RNF175: variants seen among roughly 807,000 people sequenced by gnomAD.
RNF175 encodes ring finger protein 175.
RNF175 carries 38 observed loss-of-function variants against 50.0 expected under a neutral mutation model. The observed-to-expected ratio is 0.76, with a 90% CI of 0.59 to 1.00. The LOEUF is 1.00. Among genes scored for constraint, RNF175 ranks in the 50% least tolerant of loss-of-function variants. The probability of loss-of-function intolerance (pLI) is 0.00; values close to 1 mark genes in which losing one functional copy is unlikely to be tolerated. For synonymous variants in RNF175, 155 were observed against 146.1 expected, an observed-to-expected ratio of 1.06 and a Z score of -0.44; for missense variants, 388 against 409.6, an observed-to-expected ratio of 0.95 and a Z score of 0.46.
At chr4:153,748,448 C>G in intron 3 of RNF175, 197 bp downstream of exon 3, 2 of 477,426 alleles carry the variant, frequency 4.2e-6, no homozygotes, top group Non-Finnish European at 7.2e-6. Flanking sequence ...TCACCCCCCA[C>G]AAGTCTTGAC....
At chr4:153,715,934 G>T (rs1737890124) in intron 6 of RNF175, among the ~76,000 whole-genome samples, 1 of 151,602 alleles carries the variant, frequency 6.6e-6, no homozygotes, top group Non-Finnish European at 1.5e-5. Context: ...TGCGGTGGTG[G>T]GTGCCTGTAA....
At chr4:153,735,279 G>T (rs1167134357) in intron 3 of RNF175, among the ~76,000 whole-genome samples, 4 of 150,284 alleles carry the variant, frequency 2.7e-5, no homozygotes, top group African/African-American at 4.9e-5. Flanking sequence ...CCATTTGTTG[G>T]AAAGACTATC....
chr4:153,756,438 ATCCTG>A (rs1460865016), intron 1 of RNF175, among the ~76,000 whole-genome samples: 1 of 151,934 alleles, frequency 6.6e-6, no homozygotes, highest in Non-Finnish European at 1.5e-5. Flanking sequence ...AGTTAATAGC[ATCCTG>A]TCCTATCTAT....
intron 6 of RNF175, among the ~76,000 whole-genome samples, chr4:153,716,980 C>G (rs1024803238): frequency 1.3e-5 from 2 of 152,100 alleles, no homozygotes; most frequent in African/African-American, 2.4e-5. Context: ...GGTATCATAG[C>G]CTAGGCAAAC....
intron 2 of RNF175, among the ~76,000 whole-genome samples, chr4:153,749,966 A>C (rs902098385): frequency 3.3e-5 from 5 of 152,210 alleles, no homozygotes; most frequent in Admixed American, 2.0e-4. Context: ...TAGCAAATTA[A>C]TACAGATTTG....
intron 8 of RNF175, among the ~76,000 whole-genome samples, chr4:153,710,790 T>C (rs573994090): frequency 1.5e-4 from 23 of 152,354 alleles, no homozygotes; most frequent in African/African-American, 5.3e-4. Flanking sequence ...AATGACTATA[T>C]TGGAAAACCA....
chr4:153,751,316 AC>A (rs1740278872), intron 2 of RNF175, 121 bp downstream of exon 2: 1 of 719,552 alleles, frequency 1.4e-6, no homozygotes, highest in African/African-American at 1.8e-5. Context: ...TGTGTATCCT[AC>A]CCCATCTTCT....
chr4:153,738,641 A>G (rs1021965946), intron 3 of RNF175, among the ~76,000 whole-genome samples: 2 of 152,106 alleles, frequency 1.3e-5, no homozygotes, highest in African/African-American at 4.8e-5. Context: ...ATATAATTGC[A>G]TCTTGTTTTT....
chr4:153,718,145 A>G (rs1374482911), intron 6 of RNF175, among the ~76,000 whole-genome samples: 2 of 151,878 alleles, frequency 1.3e-5, no homozygotes, highest in Non-Finnish European at 2.9e-5. Context: ...CACACTCAGC[A>G]ACATGCATTT....
At position 153,751,465 on chromosome 4, in the gene RNF175, G is replaced by T. The variant is rs866962353; in HGVS notation, c.77C>A (p.Thr26Lys). Residue 26 changes from threonine to lysine, a missense_variant, in exon 2 of 9, where the codon ACA becomes AAA. By Grantham distance (78) the Thr-to-Lys change is moderately conservative. Coordinates refer to ENST00000347063, the MANE Select transcript of RNF175 (RefSeq NM_173662.4). ...APPQQEQLSH[T>K]KLSAEDTWNL... ...CCATGTGTCTTCTGCAGAAAGCTTT[G>T]TATGAGAGAGCTGAAAAACATAAAA... The T allele has an allele frequency of 6.4e-7, 1 of 1,557,700 alleles. No homozygotes were observed. The highest frequency in any genetic ancestry group is 1.7e-4 in the Middle Eastern group (1 of 5,970).
chr4:153,749,808 T>C (rs750640411), intron 2 of RNF175, among the ~76,000 whole-genome samples: 25 of 152,194 alleles, frequency 1.6e-4, no homozygotes, highest in Admixed American at 2.0e-4. Flanking sequence ...TCAAAATTCA[T>C]ACACTGATGT....
intron 4 of RNF175, chr4:153,727,498 C>T (rs1333503084): frequency 6.6e-6 from 1 of 152,156 alleles, no homozygotes; most frequent in Non-Finnish European, 1.5e-5. Flanking sequence ...AAAAGTATTT[C>T]ACTGAAGCTT....
intron 1 of RNF175, among the ~76,000 whole-genome samples, chr4:153,753,549 TC>T (rs1740401508): frequency 7.0e-6 from 1 of 143,584 alleles, no homozygotes; most frequent in Non-Finnish European, 1.5e-5. Flanking sequence ...CTTTTCTCTC[TC>T]TCTCTCTCTC....
intron 3 of RNF175, among the ~76,000 whole-genome samples, chr4:153,735,040 A>G (rs1369165913): frequency 6.6e-6 from 1 of 151,840 alleles, no homozygotes; most frequent in Non-Finnish European, 1.5e-5. Flanking sequence ...TCTTATTTAT[A>G]TTTTCTCTCA....
intron 1 of RNF175, 111 bp downstream of exon 1, chr4:153,759,686 C>G: frequency 1.5e-6 from 1 of 677,784 alleles, no homozygotes; most frequent in Non-Finnish European, 2.3e-6. Context: ...GCCGGTTCTC[C>G]CCGGTGGGGC....
chr4:153,744,948 T>C (rs1739890822), intron 3 of RNF175, among the ~76,000 whole-genome samples: 1 of 152,196 alleles, frequency 6.6e-6, no homozygotes, highest in South Asian at 2.1e-4. Flanking sequence ...AACTTAAATA[T>C]AATACAGAAC....
intron 6 of RNF175, 117 bp downstream of exon 6, chr4:153,720,067 C>T: frequency 9.6e-7 from 1 of 1,038,836 alleles, no homozygotes; most frequent in Non-Finnish European, 1.4e-6. Flanking sequence ...CCAAAGGAAA[C>T]AATAATCAGT....
chr4:153,737,239 A>G (rs2405430), intron 3 of RNF175, among the ~76,000 whole-genome samples: 26,785 of 151,096 alleles, frequency 0.18, 3,072 homozygotes, highest in Non-Finnish European at 0.25. Flanking sequence ...TATCAGATTT[A>G]TTGATCTTTT....
chr4:153,735,301 AATTGCCTTTGTCCTTTGTC>A (rs1412371938), intron 3 of RNF175, among the ~76,000 whole-genome samples: 3 of 150,850 alleles, frequency 2.0e-5, no homozygotes, highest in Admixed American at 2.0e-4. Context: ...TTCTCTATTG[AATTGCCTTTGTCCTTTGTC>A]ATGGATCAGT....
Sources: gnomAD v4.1 joint callset for allele counts (sites outside exome capture counted in the v4.1 genomes callset) on GRCh38, gnomAD v4.1.1 for gene constraint, MANE v1.5 for transcripts, NCBI Gene and HGNC (gene_info 2026-07-23, HGNC 2026-07-21) for gene names.